Variants in MCUB observed in about 807,000 individuals in gnomAD.
MCUB encodes the protein mitochondrial calcium uniporter dominant negative subunit beta.
A neutral mutation model predicts 41.4 loss-of-function variants in MCUB; 46 were observed. The observed-to-expected ratio is 1.11, with a 90% CI of 0.88 to 1.42. The LOEUF (loss-of-function observed/expected upper bound fraction) is 1.42. MCUB is among the 40% of genes most tolerant of loss of function. The pLI, the probability that MCUB is intolerant of heterozygous loss-of-function variation, is 0.00. For missense variants in MCUB, 403 were observed against 404.9 expected (o/e 1.00, Z 0.04); for synonymous variants, 148 against 148.2 (o/e 1.00, Z 0.01).
At chr4:109,609,898 C>G (rs1281632132) in intron 1 of MCUB, among the ~76,000 whole-genome samples, 2 of 152,186 alleles carry the variant, frequency 1.3e-5, no homozygotes. Context: ...TCCAGAGATG[C>G]CATCCAGGTG....
chr4:109,634,521 C>T (rs1168077428), intron 1 of MCUB, among the ~76,000 whole-genome samples: 1 of 150,820 alleles, frequency 6.6e-6, no homozygotes, highest in African/African-American at 2.4e-5. Flanking sequence ...CTCCATGCTC[C>T]GTTTTAGTCA....
chr4:109,588,380 T>C (rs1727356239), intron 1 of MCUB, among the ~76,000 whole-genome samples: 1 of 152,206 alleles, frequency 6.6e-6, no homozygotes, highest in Admixed American at 6.5e-5. Flanking sequence ...AGCCGAGAAA[T>C]TGCTGTGTGA....
At chr4:109,583,146 C>A (rs1727223491) in intron 1 of MCUB, among the ~76,000 whole-genome samples, 1 of 152,160 alleles carries the variant, frequency 6.6e-6, no homozygotes, top group Non-Finnish European at 1.5e-5. Flanking sequence ...CTATAAATTA[C>A]CTTGGGCGGT....
intron 4 of MCUB, among the ~76,000 whole-genome samples, chr4:109,674,612 A>G (rs572133354): frequency 2.6e-5 from 4 of 152,372 alleles, no homozygotes; most frequent in South Asian, 4.1e-4. Context: ...CCCACAATTG[A>G]CAATATATGT....
rs369712150 is a variant in MCUB, at chr4:109,565,908, G to T, written c.99+5472G>T. Among the ~76,000 whole-genome samples the T allele has an allele frequency of 1.5e-4, 22 of 149,542 alleles. No individual in the cohort carries two copies. In the East Asian group the frequency reaches 1.8e-3, roughly 12 times the overall value. On this transcript the variant is annotated intron_variant, in intron 1 of 7. Transcript: ENST00000394650. ...GGCTGAAGTGCAATGCTGTAACACA[G>T]TTCACTGCAGCCTCAACCTCGTGGG...
chr4:109,682,969 G>A, intron 5 of MCUB: 4 of 410,540 alleles, frequency 9.7e-6, no homozygotes, highest in South Asian at 6.5e-5. Context: ...TTGAGCTCAC[G>A]TGGCCTGTGT....
chr4:109,563,347 C>T (rs959648927), intron 1 of MCUB, among the ~76,000 whole-genome samples: 4 of 152,154 alleles, frequency 2.6e-5, no homozygotes, highest in Non-Finnish European at 5.9e-5. Context: ...AGAAACAAAG[C>T]ATATGGATGT....
chr4:109,601,591 A>G lies in MCUB; in HGVS notation c.99+41155A>G, dbSNP rs551894544. The stretch of plus-strand genomic sequence containing the variant: ...ATCTCATTCTTTTTTTAATGGCTGA[A>G]TAGTGTTCTGCTGTGTATATATACC... On this transcript the variant is annotated intron_variant, in intron 1 of 7. Coordinates refer to ENST00000394650, the MANE Select transcript of MCUB (RefSeq NM_017918.5). Among the ~76,000 whole-genome samples the G allele has an allele frequency of 2.1e-4, 32 of 152,224 alleles. No homozygotes were observed. The South Asian group carries it at 2.3e-3, about 11-fold the overall frequency.
intron 4 of MCUB, among the ~76,000 whole-genome samples, chr4:109,677,959 C>T (rs2126150027): frequency 6.6e-6 from 1 of 151,884 alleles, no homozygotes; most frequent in East Asian, 1.9e-4. Context: ...GCAGAGGTCC[C>T]TGCGGCCTTC....
At chr4:109,593,556 G>A (rs1727487991) in intron 1 of MCUB, among the ~76,000 whole-genome samples, 1 of 152,168 alleles carries the variant, frequency 6.6e-6, no homozygotes, top group Admixed American at 6.5e-5. Flanking sequence ...TGATCCACAG[G>A]TAAAGTGCCC....
chr4:109,677,452 A>T (rs1729598245), intron 4 of MCUB, among the ~76,000 whole-genome samples: 1 of 152,200 alleles, frequency 6.6e-6, no homozygotes, highest in Non-Finnish European at 1.5e-5. Context: ...GGAAAAGGAC[A>T]TGAATTTGAG....
At chr4:109,609,049 T>C (rs1378121281) in intron 1 of MCUB, among the ~76,000 whole-genome samples, 1 of 137,834 alleles carries the variant, frequency 7.3e-6, no homozygotes, top group Non-Finnish European at 1.6e-5. Flanking sequence ...TCTGTTGCTT[T>C]CTCCAGACAA....
In MCUB at chr4:109,688,035, T is replaced by C. The variant is rs907808379; in HGVS notation, c.*443T>C. On this transcript the variant is annotated 3_prime_UTR_variant, in exon 8 of 8. Transcript: ENST00000394650. ...ATCGTCTTGTCATTAACTTCTTTTT[T>C]TAATATGCAGTAGTTGGGAGTAAGA... 1 of 154,214 alleles carries C rather than the reference T, an allele frequency of 6.5e-6. No individual in the cohort carries two copies. The highest frequency in any genetic ancestry group is 2.4e-5 in the African/African-American group (1 of 41,480). The allele number at this position is 154,214 out of a possible 1,614,324, so 9.6% of individuals were successfully genotyped here.
intron 1 of MCUB, among the ~76,000 whole-genome samples, chr4:109,595,396 TG>T (rs1173800050): frequency 7.9e-5 from 12 of 152,050 alleles, no homozygotes; most frequent in African/African-American, 2.9e-4. Context: ...GTCAATAAAC[TG>T]GAAGACCTTA....
chr4:109,654,667 CTTGATCTTCACA>C (rs1729049135), intron 1 of MCUB, among the ~76,000 whole-genome samples: 2 of 152,104 alleles, frequency 1.3e-5, no homozygotes, highest in South Asian at 4.2e-4. Context: ...GAAGGCTTAG[CTTGATCTTCACA>C]TGGGCCACTT....
intron 1 of MCUB, among the ~76,000 whole-genome samples, chr4:109,611,614 T>C (rs904135794): frequency 2.0e-5 from 3 of 152,224 alleles, no homozygotes; most frequent in African/African-American, 2.4e-5. Context: ...AATAGAGATA[T>C]TCAATTCCTT....
intron 1 of MCUB, among the ~76,000 whole-genome samples, chr4:109,578,443 T>C (rs1453160276): frequency 1.3e-5 from 2 of 152,094 alleles, no homozygotes; most frequent in Non-Finnish European, 2.9e-5. Flanking sequence ...ACACAGTTAG[T>C]AGGTAGTCGA....
At chr4:109,670,202 G>A (rs931073631) in intron 4 of MCUB, among the ~76,000 whole-genome samples, 1 of 152,194 alleles carries the variant, frequency 6.6e-6, no homozygotes, top group Non-Finnish European at 1.5e-5. Flanking sequence ...TGATTAAGGG[G>A]ACTAGGTCTC....
At chr4:109,568,573 G>C (rs1429631671) in intron 1 of MCUB, among the ~76,000 whole-genome samples, 1 of 152,038 alleles carries the variant, frequency 6.6e-6, no homozygotes, top group Non-Finnish European at 1.5e-5. Flanking sequence ...TCAAGGCTGA[G>C]TTTCAATAGC....
Sources: allele counts gnomAD v4.1 joint callset (sites outside exome capture counted in the v4.1 genomes callset), GRCh38; gene constraint gnomAD v4.1.1; transcripts MANE v1.5; gene names NCBI Gene and HGNC (gene_info 2026-07-23, HGNC 2026-07-21).